ASB16: variants seen among roughly 807,000 people sequenced by gnomAD.
ASB16 encodes ankyrin repeat and SOCS box containing 16.
A neutral mutation model predicts 39.1 loss-of-function variants in ASB16; 44 were observed. The observed-to-expected ratio is 1.13, with a 90% CI of 0.88 to 1.45. The LOEUF (loss-of-function observed/expected upper bound fraction) is 1.45, where lower values mean the gene tolerates loss of function less well. Among genes scored for constraint, ASB16 ranks in the 40% most tolerant of loss-of-function variants. ASB16 has a pLI of 0.00. For missense variants in ASB16, 698 were observed against 634.5 expected (o/e 1.10, Z -1.07); for synonymous variants, 305 against 286.7 (o/e 1.06, Z -0.64).
At chr17:44,172,500 G>A (rs1040122343) in intron 2 of ASB16, among the ~76,000 whole-genome samples, 187 bp downstream of exon 2, 17 of 152,300 alleles carry the variant, frequency 1.1e-4, no homozygotes, top group African/African-American at 3.6e-4. Context: ...GCTCAGAAAG[G>A]CTTAGTAACT....
chr17:44,172,405 G>A lies in ASB16; in HGVS notation c.569+92G>A, dbSNP rs2054251066. On this transcript the variant is annotated intron_variant, in intron 2 of 4. Transcript: ENST00000293414. ...AGAAGAGGGAACCTGACAACCACAT[G>A]CAGCTTTGTGGTTCATAAAGCACCG... is the stretch of plus-strand genomic sequence containing the variant. 2.7e-6 allele frequency: 4 copies of A among 1,461,016 alleles called. No homozygotes were observed. The East Asian group carries it at 9.1e-5, about 33-fold the overall frequency. 90.5% of individuals were successfully genotyped at this position (1,461,016 alleles called of 1,614,324 possible).
chr17:44,170,838 C>A lies in ASB16; in HGVS notation c.49C>A (p.Arg17Ser), dbSNP rs781322387. 1 of 1,611,484 alleles carries A rather than the reference C, an allele frequency of 6.2e-7. No homozygotes were observed. Among genetic ancestry groups the A allele is most frequent in the East Asian group, 2.2e-5 (1 of 44,844 alleles). ...CACCTCCTCCATGCTGCGCTCTCTC[C>A]GCCTGCAGCAGGAGTGGCTGGAATG... ...PFTSSMLRSL[R>S]LQQEWLEWED... The change falls in exon 1 of 5, where the codon CGC (arginine) becomes AGC (serine). Residue 17 changes from arginine (R) to serine (S), a missense_variant. Coordinates refer to ENST00000293414, the MANE Select transcript of ASB16 (RefSeq NM_080863.5).
In ASB16 at chr17:44,172,125, T is replaced by C; in HGVS notation, c.381T>C (p.Ala127=). Reference sequence around the variant, plus strand: ...CAGCCCGAGGCTACACAGACTGTGCTCGACACCTGATCCGGCAGGGAGCTG... The same window carrying C: ...CAGCCCGAGGCTACACAGACTGTGCCCGACACCTGATCCGGCAGGGAGCTG... ...IATARGYTDC[A]RHLIRQGAEL... The change falls in exon 2 of 5, where the codon GCT becomes GCC. Residue 127 remains alanine, a synonymous_variant. Transcript: ENST00000293414. 1 of 1,611,420 alleles carries C rather than the reference T, an allele frequency of 6.2e-7. No homozygotes were observed. The highest frequency in any genetic ancestry group is 1.7e-5 in the Admixed American group (1 of 59,976).
rs1427423879 is a variant in ASB16 at position 44,178,696 on chromosome 17, T to C, written c.*306T>C. 2.7e-6 allele frequency: 1 copy of C among 368,288 alleles called. No homozygotes were observed. The highest frequency in any genetic ancestry group is 2.1e-5 in the African/African-American group (1 of 47,222). 22.8% of individuals were successfully genotyped at this position (368,288 alleles called of 1,614,324 possible). A position where few individuals can be genotyped will look rare whatever the true frequency, so the allele number is the denominator to read the frequency against. The stretch of plus-strand genomic sequence containing the variant: ...CATGTTGGCCAGGCTGGTCTCACAC[T>C]GACCTCAGGTGATCCACCCGCCTTG... On this transcript the variant is annotated 3_prime_UTR_variant, in exon 5 of 5. Coordinates refer to ENST00000293414, the MANE Select transcript of ASB16 (RefSeq NM_080863.5).
In ASB16 at chr17:44,170,967, G is replaced by C. The variant is rs746583463; in HGVS notation, c.178G>C (p.Ala60Pro). The change falls in exon 1 of 5, where the codon GCT (alanine) becomes CCT (proline). Residue 60 changes from alanine to proline, a missense_variant. Ala to Pro is a conservative substitution (Grantham distance 27). Transcript: ENST00000293414. ...TRPHRSCRDP[A>P]VHQALFSGNL... ...GCCTCACCGTTCCTGCCGAGACCCA[G>C]CTGTCCACCAAGCCCTCTTCTCCGG... The C allele has an allele frequency of 1.9e-6, 3 of 1,613,826 alleles. No individual in the cohort carries two copies. Among genetic ancestry groups the C allele is most frequent in the Non-Finnish European group, 2.5e-6 (3 of 1,180,020 alleles).
rs141590219 is a variant in ASB16, at chr17:44,176,930, C to T, written c.762C>T (p.Ala254=). ...ETALNTACAG[A]EGPGSCRRHQ... Reference sequence around the variant, plus strand: ...CGCTGAACACGGCGTGCGCTGGGGCCGAGGGCCCAGGTAGCTGCAGGCGAC... The same window carrying T: ...CGCTGAACACGGCGTGCGCTGGGGCTGAGGGCCCAGGTAGCTGCAGGCGAC... Residue 254 remains alanine (A), a synonymous_variant, in exon 3 of 5, where the codon GCC becomes GCT. Coordinates refer to ENST00000293414, the MANE Select transcript of ASB16 (RefSeq NM_080863.5). 39,170 of 1,538,038 alleles carry T rather than the reference C, an allele frequency of 0.025. 591 individuals carry two copies. The highest frequency in any genetic ancestry group is 0.03 in the Non-Finnish European group (34,509 of 1,152,230).
chr17:44,177,438 A>T (rs915037040), intron 3 of ASB16, 171 bp from the exon 4 acceptor site: 2 of 1,138,444 alleles, frequency 1.8e-6, no homozygotes, highest in African/African-American at 3.2e-5. Flanking sequence ...ACTGGGGCCA[A>T]AAGGTTGGAG....
intron 2 of ASB16, among the ~76,000 whole-genome samples, chr17:44,175,496 T>C (rs950304386): frequency 5.3e-5 from 8 of 151,832 alleles, no homozygotes; most frequent in Non-Finnish European, 1.2e-4. Context: ...CAGTAGCTTA[T>C]GGAAGACTGG....
chr17:44,176,378 A>AGACAACT (rs2054290202), intron 2 of ASB16: 2 of 272,420 alleles, frequency 7.3e-6, no homozygotes, highest in Non-Finnish European at 1.4e-5. Context: ...AAAAAAAAGG[A>AGACAACT]GACAACTGAC....
At chr17:44,173,713 A>C (rs1440844735) in intron 2 of ASB16, among the ~76,000 whole-genome samples, 1 of 152,048 alleles carries the variant, frequency 6.6e-6, no homozygotes, top group Non-Finnish European at 1.5e-5. Flanking sequence ...AGTCCCAGCT[A>C]CTCAGGAAAA....
At chr17:44,174,079 T>A (rs1277837431) in intron 2 of ASB16, among the ~76,000 whole-genome samples, 8 of 142,800 alleles carry the variant, frequency 5.6e-5, no homozygotes, top group African/African-American at 2.1e-4. Flanking sequence ...TTGCTCTGTC[T>A]CCCAGGCTGG....
Position 44,177,659 on chromosome 17 carries a change from T to C in ASB16, c.1113T>C (p.Asn371=), listed in dbSNP as rs1340153136. Residue 371 remains asparagine (N), a synonymous_variant, in exon 4 of 5, where the codon AAT becomes AAC. Coordinates refer to ENST00000293414, the MANE Select transcript of ASB16 (RefSeq NM_080863.5). The stretch of plus-strand genomic sequence containing the variant: ...CTCGGGCCCTGGAAGTCCTGCTTAA[T>C]GCCTATCCTTGTGTCCCATCCTGTG... ...NFPRALEVLL[N]AYPCVPSCET... The C allele has an allele frequency of 2.5e-6, 4 of 1,613,810 alleles. No individual in the cohort carries two copies. Among genetic ancestry groups the C allele is most frequent in the African/African-American group, 1.3e-5 (1 of 74,894 alleles).
chr17:44,174,971 G>A (rs987987437), intron 2 of ASB16, among the ~76,000 whole-genome samples: 3 of 151,374 alleles, frequency 2.0e-5, no homozygotes, highest in Admixed American at 6.6e-5. Context: ...GCATGGCAGC[G>A]CATGCCTGCA....
At chr17:44,177,340 C>CA in intron 3 of ASB16, 110 bp downstream of exon 3, 1 of 1,402,784 alleles carries the variant, frequency 7.1e-7, no homozygotes, top group Non-Finnish European at 9.4e-7. Context: ...AGCCTGCCCT[C>CA]AGTGGCCAGG....
chr17:44,176,760 G>A lies in ASB16; in HGVS notation c.592G>A (p.Ala198Thr). 6.2e-7 allele frequency: 1 copy of A among 1,613,908 alleles called. No individual in the cohort carries two copies. Among genetic ancestry groups the A allele is most frequent in the Non-Finnish European group, 8.5e-7 (1 of 1,179,944 alleles). The change falls in exon 3 of 5, where the codon GCA becomes ACA. Residue 198 changes from alanine to threonine, a missense_variant. Coordinates refer to ENST00000293414, the MANE Select transcript of ASB16 (RefSeq NM_080863.5). ...SLQCAKLLLE[A>T]GATVNLAAGE... The stretch of plus-strand genomic sequence containing the variant: ...CAGGTGCGCCAAGTTGCTGCTGGAA[G>A]CAGGAGCGACGGTGAACCTGGCAGC...
chr17:44,178,309 C>G lies in ASB16; in HGVS notation c.1281C>G (p.Cys427Trp), dbSNP rs1223325762. ...TGCGCGCTCGGTTGGGAAGCCGCTGCCGGCAGGGTGCCACCCGGCTGCCAC... is the reference window on the plus strand; with the variant it reads ...TGCGCGCTCGGTTGGGAAGCCGCTGGCGGCAGGGTGCCACCCGGCTGCCAC... ...LAVRARLGSR[C>W]RQGATRLPLP... The change falls in exon 5 of 5, where the codon TGC (cysteine) becomes TGG (tryptophan). Residue 427 changes from cysteine (C) to tryptophan (W), a missense_variant. Coordinates refer to ENST00000293414, the MANE Select transcript of ASB16 (RefSeq NM_080863.5). The G allele has an allele frequency of 6.2e-7, 1 of 1,612,186 alleles. No individual in the cohort carries two copies. The highest frequency in any genetic ancestry group is 1.3e-5 in the African/African-American group (1 of 75,030).
chr17:44,177,813 G>A, intron 4 of ASB16, 91 bp downstream of exon 4: 4 of 1,530,108 alleles, frequency 2.6e-6, no homozygotes, highest in Admixed American at 4.1e-5. Flanking sequence ...CAGCAGGAGG[G>A]CCCCTGGGTA....
rs368482999 is a variant in ASB16, at chr17:44,178,367, C to T, written c.1339C>T (p.Arg447Cys). 30 of 1,606,312 alleles carry T rather than the reference C, an allele frequency of 1.9e-5. No individual in the cohort carries two copies. Among genetic ancestry groups the T allele is most frequent in the African/African-American group, 5.3e-5 (4 of 74,812 alleles). ...GCTCCTCAGGGACTACCTGCTGCTG[C>T]GTGTGGAGGGGTGCATCCAGTGAAC... ...PPLLRDYLLL[R>C]VEGCIQ is the part of the protein sequence containing the mutation. The change falls in exon 5 of 5, where the codon CGT (arginine) becomes TGT (cysteine). Residue 447 changes from arginine to cysteine, a missense_variant. Arg to Cys is a radical substitution (Grantham distance 180, BLOSUM62 -3). Coordinates refer to ENST00000293414, the MANE Select transcript of ASB16 (RefSeq NM_080863.5).
chr17:44,178,550 G>A lies in ASB16; in HGVS notation c.*160G>A. The A allele has an allele frequency of 1.3e-6, 1 of 763,474 alleles. No individual in the cohort carries two copies. Among genetic ancestry groups the A allele is most frequent in the Non-Finnish European group, 2.0e-6 (1 of 488,014 alleles). The allele number at this position is 763,474 out of a possible 1,614,324, so 47.3% of individuals were successfully genotyped here. ...TGCAGTGGCGCTATCTCGGCTCACT[G>A]CAACTTCTACCACCTAGGTTCAAGC... On this transcript the variant is annotated 3_prime_UTR_variant, in exon 5 of 5. Coordinates refer to ENST00000293414, the MANE Select transcript of ASB16 (RefSeq NM_080863.5).
Sources: gnomAD v4.1 joint callset for allele counts (sites outside exome capture counted in the v4.1 genomes callset) on GRCh38, gnomAD v4.1.1 for gene constraint, MANE v1.5 for transcripts, NCBI Gene and HGNC (gene_info 2026-07-23, HGNC 2026-07-21) for gene names.